Variants in EDA observed in about 807,000 individuals in gnomAD.
EDA encodes ectodysplasin-A.
In EDA, 2 loss-of-function variants were observed where a neutral mutation model predicts 23.6. That is an observed-to-expected ratio of 0.08 (90% CI 0.03 to 0.27). The LOEUF (loss-of-function observed/expected upper bound fraction) is 0.27, where lower values mean the gene tolerates loss of function less well. EDA is among the 10% of genes least tolerant of loss of function. The pLI is 1.00. For missense variants in EDA, 229 were observed against 324.2 expected, an observed-to-expected ratio of 0.71 and a Z score of 2.26; for synonymous variants, 131 against 132.0, an observed-to-expected ratio of 0.99 and a Z score of 0.05.
intron 1 of EDA, among the ~76,000 whole-genome samples, chrX:69,661,262 G>T (rs1933493210): frequency 9.6e-6 from 1 of 104,345 alleles, no homozygotes; most frequent in Non-Finnish European, 2.0e-5. Flanking sequence ...TGTCAGATGG[G>T]TAGATTGTAA....
chrX:69,979,354 C>T (rs1421375561), intron 2 of EDA, among the ~76,000 whole-genome samples: 1 of 112,038 alleles, frequency 8.9e-6, no homozygotes, highest in Non-Finnish European at 1.9e-5. Flanking sequence ...CTACTGTGAA[C>T]ATTCATTTAC....
chrX:69,908,731 A>G (rs2018214818), intron 1 of EDA, among the ~76,000 whole-genome samples: 1 of 109,720 alleles, frequency 9.1e-6, no homozygotes, highest in Non-Finnish European at 1.9e-5. Flanking sequence ...AAAATGGTAT[A>G]TGTAGGAGAA....
intron 1 of EDA, among the ~76,000 whole-genome samples, chrX:69,658,212 T>TTGTG (rs3138864): frequency 0.041 from 3,736 of 90,844 alleles, 165 homozygotes; most frequent in African/African-American, 0.11. Context: ...TCCTAGGTAT[T>TTGTG]TGTGTGTGTG....
intron 1 of EDA, among the ~76,000 whole-genome samples, chrX:69,845,601 AG>A (rs2016990878): frequency 8.9e-6 from 1 of 111,957 alleles, no homozygotes; most frequent in African/African-American, 3.2e-5. Flanking sequence ...TTGGGTTTAG[AG>A]TGGTAGGGCC....
At chrX:69,651,833 G>A (rs1317770847) in intron 1 of EDA, among the ~76,000 whole-genome samples, 1 of 110,580 alleles carries the variant, frequency 9.0e-6, no homozygotes, top group Non-Finnish European at 1.9e-5. Flanking sequence ...GGAAGATTTG[G>A]CCTTTGAGAG....
intron 1 of EDA, among the ~76,000 whole-genome samples, chrX:69,885,942 C>T (rs747814692): frequency 8.9e-6 from 1 of 112,008 alleles, no homozygotes. Context: ...TGTAACTTAT[C>T]TCCAGCCTTT....
intron 1 of EDA, among the ~76,000 whole-genome samples, chrX:69,635,485 A>G (rs1373419812): frequency 9.4e-6 from 1 of 106,690 alleles, no homozygotes; most frequent in Non-Finnish European, 1.9e-5. Flanking sequence ...ACTACCATTC[A>G]TTTACTTATC....
chrX:70,008,932 C>T (rs1264162753), intron 2 of EDA, among the ~76,000 whole-genome samples: 1 of 111,171 alleles, frequency 9.0e-6, no homozygotes, highest in Non-Finnish European at 1.9e-5. Context: ...TGGAAGGTTA[C>T]AAATTGTCAA....
chrX:69,722,786 G>A (rs1361795114), intron 1 of EDA, among the ~76,000 whole-genome samples: 9 of 111,166 alleles, frequency 8.1e-5, no homozygotes, highest in African/African-American at 2.6e-4. Context: ...GTGTGATTTG[G>A]GATTGGTTGT....
chrX:70,006,387 ATGT>A (rs1329178973), intron 2 of EDA, among the ~76,000 whole-genome samples: 6 of 112,247 alleles, frequency 5.3e-5, no homozygotes, highest in Non-Finnish European at 7.5e-5. Context: ...CAAGCATTTA[ATGT>A]TGTCAGTATT....
intron 1 of EDA, among the ~76,000 whole-genome samples, chrX:69,817,229 T>C (rs1377311334): frequency 1.8e-5 from 2 of 111,173 alleles, no homozygotes; most frequent in Admixed American, 9.6e-5. Context: ...GCACAGAATA[T>C]GGAAAGGAAA....
intron 1 of EDA, among the ~76,000 whole-genome samples, chrX:69,939,611 T>A (rs1231730572): frequency 9.0e-6 from 1 of 111,621 alleles, no homozygotes; most frequent in Non-Finnish European, 1.9e-5. Context: ...AGCCAGGACT[T>A]CCAGTACTGT....
intron 1 of EDA, 53 bp from the exon 2 acceptor site, chrX:69,956,974 G>A (rs1052068344): frequency 4.6e-6 from 5 of 1,097,072 alleles, no homozygotes; most frequent in Non-Finnish European, 5.0e-6. Context: ...TTTTTATGTT[G>A]GCTATGACTG....
At chrX:69,686,598 C>G (rs1330345399) in intron 1 of EDA, among the ~76,000 whole-genome samples, 1 of 111,429 alleles carries the variant, frequency 9.0e-6, no homozygotes, top group Non-Finnish European at 1.9e-5. Flanking sequence ...CCTGAACCCT[C>G]TCCTCTTCCA....
rs188297418 is a variant in EDA, at chrX:69,794,305, G to A, written c.397-162722G>A. On this transcript the variant is annotated intron_variant, in intron 1 of 7. Coordinates refer to ENST00000374552, the MANE Select transcript of EDA (RefSeq NM_001399.5). ...GGCCATAGTAGTAGTAAAGTTTTCGGCCTTTAGCCACTGAAGGGCTTTAAG... is the reference window on the plus strand; with the variant it reads ...GGCCATAGTAGTAGTAAAGTTTTCGACCTTTAGCCACTGAAGGGCTTTAAG... Among the ~76,000 whole-genome samples, 246 of 111,591 alleles carry A rather than the reference G, an allele frequency of 2.2e-3. 2 individuals are homozygous for A. Among genetic ancestry groups the A allele is most frequent in the Non-Finnish European group, 2.1e-3 (112 of 53,062 alleles).
chrX:69,654,931 A>C, intron 1 of EDA, among the ~76,000 whole-genome samples: 1 of 109,885 alleles, frequency 9.1e-6, no homozygotes. Flanking sequence ...CATGTACCCT[A>C]AAACTTGAAG....
At chrX:69,779,115 G>A (rs1464696012) in intron 1 of EDA, among the ~76,000 whole-genome samples, 3 of 111,447 alleles carry the variant, frequency 2.7e-5, no homozygotes, top group East Asian at 5.7e-4. Flanking sequence ...GAAACAGTTT[G>A]GCAGTTCCTC....
At chrX:69,788,289 G>C (rs1216747548) in intron 1 of EDA, among the ~76,000 whole-genome samples, 3 of 112,679 alleles carry the variant, frequency 2.7e-5, no homozygotes, top group Non-Finnish European at 5.6e-5. Context: ...TCTTCTCTCA[G>C]CTCGTCAAAG....
chrX:69,744,699 G>C (rs2013563430), intron 1 of EDA, among the ~76,000 whole-genome samples: 1 of 112,148 alleles, frequency 8.9e-6, no homozygotes, highest in Admixed American at 9.4e-5. Context: ...GGATGTTTTG[G>C]TTAAGCAAAA....
Sources: gnomAD v4.1 joint callset for allele counts (sites outside exome capture counted in the v4.1 genomes callset) on GRCh38, gnomAD v4.1.1 for gene constraint, MANE v1.5 for transcripts, NCBI Gene and HGNC (gene_info 2026-07-23, HGNC 2026-07-21) for gene names.